CA10: variants seen among roughly 807,000 people sequenced by gnomAD.
The protein encoded by CA10 is carbonic anhydrase-related protein 10.
Under a neutral mutation model 44.2 loss-of-function variants are expected in CA10, and 14 were observed. The ratio of observed to expected loss-of-function variants is 0.32; its 90% CI spans 0.21 to 0.50. The LOEUF (loss-of-function observed/expected upper bound fraction) is 0.50, where lower values mean the gene tolerates loss of function less well. CA10 is among the 20% of genes least tolerant of loss of function. The pLI, the probability that CA10 is intolerant of heterozygous loss-of-function variation, is 0.99. For synonymous variants in CA10, 159 were observed against 141.6 expected (o/e 1.12, Z -0.87); for missense variants, 350 against 409.7 (o/e 0.85, Z 1.26).
At position 51,631,377 on chromosome 17, in the gene CA10, C is replaced by T. The variant is rs76409117; in HGVS notation, c.*207G>A. ...ATGTGTTTGTATGTATGTGCAAGTG[C>T]TTGTGTGTGTGTTTGTGAGTATGTG... On this transcript the variant is annotated 3_prime_UTR_variant, in exon 9 of 9. Coordinates refer to ENST00000451037, the MANE Select transcript of CA10 (RefSeq NM_020178.5). 1 of 635,780 alleles carries T rather than the reference C, an allele frequency of 1.6e-6. No individual in the cohort carries two copies. Among genetic ancestry groups the T allele is most frequent in the Admixed American group, 2.7e-5 (1 of 36,938 alleles). 39.4% of individuals were successfully genotyped at this position (635,780 alleles called of 1,614,324 possible). A position where few individuals can be genotyped will look rare whatever the true frequency, so the allele number is the denominator to read the frequency against.
intron 1 of CA10, among the ~76,000 whole-genome samples, chr17:52,108,893 C>T (rs562744548): frequency 6.6e-6 from 1 of 151,860 alleles, no homozygotes; most frequent in South Asian, 2.1e-4. Context: ...CAACTGTACC[C>T]CAACAAGTTA....
chr17:52,156,964 C>A (rs900407595), intron 1 of CA10, among the ~76,000 whole-genome samples: 3 of 152,148 alleles, frequency 2.0e-5, no homozygotes, highest in African/African-American at 7.2e-5. Flanking sequence ...CTCGTCCTAA[C>A]ACACTCAGGC....
At chr17:51,822,118 T>A (rs901359074) in intron 3 of CA10, among the ~76,000 whole-genome samples, 4 of 152,152 alleles carry the variant, frequency 2.6e-5, no homozygotes, top group South Asian at 4.2e-4. Flanking sequence ...TTTGCTCATA[T>A]CTCATATTAA....
At chr17:52,052,304 A>T (rs866952878) in intron 2 of CA10, among the ~76,000 whole-genome samples, 5 of 130,626 alleles carry the variant, frequency 3.8e-5, no homozygotes, top group East Asian at 2.1e-4. Flanking sequence ...TTTTTTAAAA[A>T]AAAAAAAAAA....
intron 1 of CA10, among the ~76,000 whole-genome samples, chr17:52,088,983 T>C (rs1317315986): frequency 6.6e-6 from 1 of 152,234 alleles, no homozygotes; most frequent in Non-Finnish European, 1.5e-5. Context: ...TCACAGATTA[T>C]GCTTTGTTTA....
At chr17:51,863,563 C>T (rs1340633433) in intron 3 of CA10, among the ~76,000 whole-genome samples, 1 of 152,194 alleles carries the variant, frequency 6.6e-6, no homozygotes, top group Non-Finnish European at 1.5e-5. Context: ...GCATAGTTTT[C>T]CACAAACTCC....
At chr17:51,799,324 A>AT (rs940398119) in intron 3 of CA10, among the ~76,000 whole-genome samples, 3 of 152,184 alleles carry the variant, frequency 2.0e-5, no homozygotes, top group African/African-American at 7.2e-5. Flanking sequence ...GGTTCTGGTG[A>AT]TTTTAGCTGG....
At chr17:51,930,918 C>A in intron 3 of CA10, 72 bp downstream of exon 3, 2 of 1,566,922 alleles carry the variant, frequency 1.3e-6, no homozygotes, top group Non-Finnish European at 1.7e-6. Context: ...AGACTGAAGC[C>A]TTGAGGATTA....
At chr17:51,937,746 A>G (rs1414919928) in intron 2 of CA10, among the ~76,000 whole-genome samples, 3 of 152,146 alleles carry the variant, frequency 2.0e-5, no homozygotes. Context: ...ACAAAATATG[A>G]TAGATGTTAT....
chr17:51,747,025 G>A (rs1224645848), intron 4 of CA10, among the ~76,000 whole-genome samples: 1 of 152,144 alleles, frequency 6.6e-6, no homozygotes, highest in Non-Finnish European at 1.5e-5. Context: ...CTTGTGAAGT[G>A]TCACACCACA....
chr17:51,698,261 C>G (rs1200199508), intron 4 of CA10, among the ~76,000 whole-genome samples: 3 of 152,222 alleles, frequency 2.0e-5, no homozygotes, highest in African/African-American at 7.2e-5. Context: ...TTCCGTCTGG[C>G]TGGCTCATCT....
intron 2 of CA10, among the ~76,000 whole-genome samples, chr17:51,993,038 T>C (rs557289496): frequency 3.5e-4 from 53 of 152,294 alleles, no homozygotes; most frequent in African/African-American, 1.3e-3. Context: ...AAACATTTTA[T>C]GCAGATATCA....
intron 1 of CA10, 92 bp downstream of exon 1, chr17:52,157,634 C>T: frequency 8.4e-7 from 1 of 1,186,358 alleles, no homozygotes; most frequent in Admixed American, 1.8e-5. Flanking sequence ...CCACCCCTCT[C>T]TCTGCCCCGC....
chr17:51,859,226 T>C (rs1326634387), intron 3 of CA10, among the ~76,000 whole-genome samples: 1 of 152,068 alleles, frequency 6.6e-6, no homozygotes, highest in Non-Finnish European at 1.5e-5. Context: ...CAAGAAAGTG[T>C]TGTAATCACT....
Position 52,038,933 on chromosome 17 carries a change from T to C in CA10, c.136+33386A>G, listed in dbSNP as rs563737002. ...ATTTCAAGAAGTATTTCAAATAGTG[T>C]CATAGAAATTTTGACTAGGGGTCAG... On this transcript the variant is annotated intron_variant, in intron 2 of 8. Transcript: ENST00000451037. Among the ~76,000 whole-genome samples, 4 of 152,320 alleles carry C rather than the reference T, an allele frequency of 2.6e-5. No individual in the cohort carries two copies. In the South Asian group the frequency reaches 8.3e-4, roughly 32 times the overall value.
At chr17:51,673,964 G>A (rs1914522593) in intron 4 of CA10, among the ~76,000 whole-genome samples, 1 of 85,786 alleles carries the variant, frequency 1.2e-5, no homozygotes, top group Admixed American at 1.3e-4. Context: ...CTCCTAGAAT[G>A]TCCTTCCCCC....
intron 1 of CA10, among the ~76,000 whole-genome samples, chr17:52,072,868 G>T (rs963223429): frequency 6.6e-6 from 1 of 152,092 alleles, no homozygotes; most frequent in Admixed American, 6.5e-5. Flanking sequence ...GCTTTCCTTA[G>T]GTCCCAGGAA....
chr17:51,652,473 C>T (rs962037884), intron 5 of CA10, among the ~76,000 whole-genome samples: 1 of 152,212 alleles, frequency 6.6e-6, no homozygotes, highest in Non-Finnish European at 1.5e-5. Context: ...ATGTCCCTTC[C>T]TCTCTTTGTT....
At chr17:51,990,770 G>T (rs2144103043) in intron 2 of CA10, among the ~76,000 whole-genome samples, 1 of 152,226 alleles carries the variant, frequency 6.6e-6, no homozygotes. Context: ...TGGCTGGGAT[G>T]TTCTTGAGAG....
Sources: gnomAD v4.1 joint callset for allele counts (sites outside exome capture counted in the v4.1 genomes callset) on GRCh38, gnomAD v4.1.1 for gene constraint, MANE v1.5 for transcripts, NCBI Gene and HGNC (gene_info 2026-07-23, HGNC 2026-07-21) for gene names.